EVI5: variants seen among roughly 807,000 people sequenced by gnomAD.
EVI5 encodes the protein ecotropic viral integration site 5 protein homolog.
EVI5 carries 73 observed loss-of-function variants against 112.0 expected under a neutral mutation model. That is an observed-to-expected ratio of 0.65 (90% CI 0.54 to 0.79). The LOEUF is 0.79. Among genes scored for constraint, EVI5 ranks in the 30% least tolerant of loss-of-function variants. The pLI, the probability that EVI5 is intolerant of heterozygous loss-of-function variation, is 0.00. For missense variants in EVI5, 900 were observed against 968.8 expected, an observed-to-expected ratio of 0.93 and a Z score of 0.94; for synonymous variants, 305 against 319.9, an observed-to-expected ratio of 0.95 and a Z score of 0.50.
intron 10 of EVI5, among the ~76,000 whole-genome samples, chr1:92,671,477 T>C (rs1450331408): frequency 6.6e-6 from 1 of 152,202 alleles, no homozygotes; most frequent in Non-Finnish European, 1.5e-5. Flanking sequence ...TGGCTTTCAA[T>C]ACTATGACCC....
At chr1:92,616,385 C>T (rs768788568) in intron 16 of EVI5, among the ~76,000 whole-genome samples, 8 of 152,090 alleles carry the variant, frequency 5.3e-5, no homozygotes, top group Non-Finnish European at 2.9e-5. Flanking sequence ...TACTGAGGTG[C>T]CGGGGCCAAG....
At chr1:92,702,389 C>T (rs924693923) in intron 4 of EVI5, among the ~76,000 whole-genome samples, 174 bp from the exon 5 acceptor site, 15 of 151,336 alleles carry the variant, frequency 9.9e-5, no homozygotes, top group African/African-American at 3.4e-4. Flanking sequence ...TGTTTTATTA[C>T]ATGAAATTTT....
At chr1:92,689,647 T>C (rs1669143409) in intron 9 of EVI5, among the ~76,000 whole-genome samples, 1 of 152,060 alleles carries the variant, frequency 6.6e-6, no homozygotes, top group African/African-American at 2.4e-5. Flanking sequence ...GGACTACAGA[T>C]GTTAAACCAC....
In EVI5 at chr1:92,659,618, G is replaced by A. The variant is rs376405783; in HGVS notation, c.1392+3101C>T. Reference sequence around the variant, plus strand: ...TATTGGTGAGGATGTGGAAAAAGGAGGACACATATACACTACTGGTGGGAA... The same window carrying A: ...TATTGGTGAGGATGTGGAAAAAGGAAGACACATATACACTACTGGTGGGAA... On this transcript the variant is annotated intron_variant, in intron 13 of 19. Transcript: ENST00000684568. Among the ~76,000 whole-genome samples, 113 of 152,086 alleles carry A rather than the reference G, an allele frequency of 7.4e-4. 2 individuals carry two copies. The South Asian group carries it at 0.023, about 31-fold the overall frequency.
chr1:92,529,277 C>T (rs528479146), intron 19 of EVI5, among the ~76,000 whole-genome samples: 1 of 152,314 alleles, frequency 6.6e-6, no homozygotes, highest in South Asian at 2.1e-4. Context: ...ATGCTCCTTA[C>T]TTTGCTTTGG....
At chr1:92,618,244 C>T (rs750828375) in intron 16 of EVI5, among the ~76,000 whole-genome samples, 2 of 152,138 alleles carry the variant, frequency 1.3e-5, no homozygotes, top group Non-Finnish European at 2.9e-5. Context: ...CCCTAGTGAC[C>T]CACTAGCAAA....
intron 1 of EVI5, among the ~76,000 whole-genome samples, chr1:92,758,352 C>A (rs1376866083): frequency 6.6e-6 from 1 of 151,860 alleles, no homozygotes; most frequent in Non-Finnish European, 1.5e-5. Flanking sequence ...GTGGATTGCT[C>A]GAGCCCAGGA....
rs547875746 is a variant in EVI5, at chr1:92,562,476, G to A, written c.2166+1166C>T. ...ACCTGGGAGGCGGAGCTTGCAGTGAGCAGAGATTGCACCACTGCACTCCAG... is the reference window on the plus strand; with the variant it reads ...ACCTGGGAGGCGGAGCTTGCAGTGAACAGAGATTGCACCACTGCACTCCAG... On this transcript the variant is annotated intron_variant, in intron 19 of 19. Transcript: ENST00000684568. Among the ~76,000 whole-genome samples the A allele has an allele frequency of 2.6e-5, 4 of 152,238 alleles. No homozygotes were observed. The South Asian group carries it at 8.3e-4, about 32-fold the overall frequency.
rs1271313488 is a variant in EVI5 at position 92,509,047 on chromosome 1, A to AT, written c.*4608dup. ...TAAAACTCATTGTTTTGGTAAGTAA[A>AT]TAACTGATTTCATGAAATGTTCGCT... is the stretch of plus-strand genomic sequence containing the variant. On this transcript the variant is annotated 3_prime_UTR_variant, in exon 20 of 20. Coordinates refer to ENST00000684568, the MANE Select transcript of EVI5 (RefSeq NM_001350197.2). 1 of 152,242 alleles carries AT rather than the reference A, an allele frequency of 6.6e-6. No homozygotes were observed. The highest frequency in any genetic ancestry group is 1.5e-5 in the Non-Finnish European group (1 of 68,028). 9.4% of individuals were successfully genotyped at this position (152,242 alleles called of 1,614,324 possible).
chr1:92,764,468 T>A (rs1682324205), intron 1 of EVI5, among the ~76,000 whole-genome samples: 1 of 152,200 alleles, frequency 6.6e-6, no homozygotes, highest in Non-Finnish European at 1.5e-5. Flanking sequence ...ACACTTAAAC[T>A]TCCTCTCCCT....
At chr1:92,680,054 A>G (rs1350798255) in intron 9 of EVI5, among the ~76,000 whole-genome samples, 1 of 152,060 alleles carries the variant, frequency 6.6e-6, no homozygotes, top group Admixed American at 6.6e-5. Flanking sequence ...ACTGGAAAAT[A>G]CTCATAATTG....
intron 19 of EVI5, among the ~76,000 whole-genome samples, chr1:92,553,011 A>G (rs2100780549): frequency 6.6e-6 from 1 of 152,222 alleles, no homozygotes; most frequent in East Asian, 1.9e-4. Flanking sequence ...CCATTGCAGG[A>G]ATTACATACA....
At chr1:92,671,657 G>C (rs1352815406) in intron 10 of EVI5, among the ~76,000 whole-genome samples, 1 of 152,048 alleles carries the variant, frequency 6.6e-6, no homozygotes, top group Non-Finnish European at 1.5e-5. Context: ...TCCCATCTCA[G>C]GTAATGGGAA....
In EVI5 at chr1:92,671,804, C is replaced by CTT. The variant is rs543142314; in HGVS notation, c.1158+5352_1158+5353dup. The stretch of plus-strand genomic sequence containing the variant: ...TTACCTCAGTCCAAGCCACCATCAT[C>CTT]TTTTTTTTTTTTTTTTAAGACAGGA... On this transcript the variant is annotated intron_variant, in intron 10 of 19. Coordinates refer to ENST00000684568, the MANE Select transcript of EVI5 (RefSeq NM_001350197.2). Among the ~76,000 whole-genome samples the CTT allele has an allele frequency of 4.4e-3, 618 of 141,708 alleles. 7 individuals carry two copies. The highest frequency in any genetic ancestry group is 0.02 in the South Asian group (86 of 4,374). The allele number at this position is 141,708 out of a possible 152,430, so 93.0% of individuals were successfully genotyped here.
intron 19 of EVI5, among the ~76,000 whole-genome samples, chr1:92,526,828 C>A (rs1251884009): frequency 2.6e-5 from 4 of 152,060 alleles, no homozygotes; most frequent in Non-Finnish European, 4.4e-5. Flanking sequence ...AAAGAATGAA[C>A]CCTAATGTAA....
At chr1:92,575,370 T>G (rs781178474) in intron 18 of EVI5, among the ~76,000 whole-genome samples, 4 of 152,178 alleles carry the variant, frequency 2.6e-5, no homozygotes, top group Non-Finnish European at 5.9e-5. Context: ...AACTGCCCTA[T>G]GTAACCAAAT....
intron 2 of EVI5, among the ~76,000 whole-genome samples, chr1:92,715,108 C>T (rs1339327426): frequency 1.3e-5 from 2 of 152,046 alleles, no homozygotes. Context: ...CAGGTTCAAA[C>T]AATTCTCCTG....
At chr1:92,790,475 A>C (rs1054218707) in intron 1 of EVI5, among the ~76,000 whole-genome samples, 1 of 152,044 alleles carries the variant, frequency 6.6e-6, no homozygotes, top group East Asian at 1.9e-4. Context: ...AAGGAGACAT[A>C]ACACTCCATT....
intron 2 of EVI5, chr1:92,732,238 T>C (rs1676600523): frequency 1.3e-5 from 4 of 304,546 alleles, no homozygotes; most frequent in South Asian, 1.1e-4. Context: ...CAGTTATACG[T>C]CCTTACTGTG....
Sources: allele counts gnomAD v4.1 joint callset (sites outside exome capture counted in the v4.1 genomes callset), GRCh38; gene constraint gnomAD v4.1.1; transcripts MANE v1.5; gene names NCBI Gene and HGNC (gene_info 2026-07-23, HGNC 2026-07-21).